The following EVI5 variants were observed in gnomAD, a reference collection of about 807,000 sequenced individuals.
EVI5 encodes ecotropic viral integration site 5 protein homolog.
Under a neutral mutation model 112.0 loss-of-function variants are expected in EVI5, and 73 were observed. The observed-to-expected ratio is 0.65, with a 90% CI of 0.54 to 0.79. The LOEUF is 0.79. Ranked by LOEUF, EVI5 falls within the 30% of genes least tolerant of loss-of-function variation. The probability of loss-of-function intolerance (pLI) is 0.00; values close to 1 mark genes in which losing one functional copy is unlikely to be tolerated. For synonymous variants in EVI5, 305 were observed against 319.9 expected, an observed-to-expected ratio of 0.95 and a Z score of 0.50; for missense variants, 900 against 968.8, an observed-to-expected ratio of 0.93 and a Z score of 0.94.
At chr1:92,618,585 A>G (rs1205273589) in intron 16 of EVI5, among the ~76,000 whole-genome samples, 2 of 152,288 alleles carry the variant, frequency 1.3e-5, no homozygotes, top group Middle Eastern at 3.4e-3. Context: ...ATGGGAAACT[A>G]CAACATCCCA....
intron 10 of EVI5, among the ~76,000 whole-genome samples, chr1:92,669,138 C>G (rs1665413411): frequency 6.6e-6 from 1 of 152,204 alleles, no homozygotes; most frequent in Non-Finnish European, 1.5e-5. Flanking sequence ...ATGATAAGCA[C>G]TGCCCACAAT....
At chr1:92,692,817 T>G (rs1669705742) in intron 9 of EVI5, among the ~76,000 whole-genome samples, 1 of 152,234 alleles carries the variant, frequency 6.6e-6, no homozygotes, top group East Asian at 1.9e-4. Context: ...GAAAAACTGC[T>G]AACTGCTAGC....
At chr1:92,727,517 G>C (rs937750667) in intron 2 of EVI5, among the ~76,000 whole-genome samples, 1 of 152,138 alleles carries the variant, frequency 6.6e-6, no homozygotes, top group Non-Finnish European at 1.5e-5. Context: ...ATCCCAGATA[G>C]ATGCCGGCTG....
At chr1:92,647,931 G>C (rs1194665001) in intron 13 of EVI5, among the ~76,000 whole-genome samples, 4 of 151,538 alleles carry the variant, frequency 2.6e-5, no homozygotes, top group Non-Finnish European at 5.9e-5. Flanking sequence ...CTTTAGTAGA[G>C]ATGGGGTTTC....
At chr1:92,773,650 A>G (rs1414665094) in intron 1 of EVI5, among the ~76,000 whole-genome samples, 1 of 152,116 alleles carries the variant, frequency 6.6e-6, no homozygotes, top group African/African-American at 2.4e-5. Context: ...TCTGAAAATA[A>G]AACAAAAAAA....
chr1:92,625,734 C>A (rs771569006), intron 15 of EVI5, 60 bp downstream of exon 15: 2 of 1,499,448 alleles, frequency 1.3e-6, no homozygotes, highest in African/African-American at 1.4e-5. Flanking sequence ...CAAACTCTTA[C>A]AAATTGGATA....
At chr1:92,648,319 G>A (rs1306799150) in intron 13 of EVI5, among the ~76,000 whole-genome samples, 1 of 150,130 alleles carries the variant, frequency 6.7e-6, no homozygotes, top group Non-Finnish European at 1.5e-5. Context: ...CTTGCAATGA[G>A]CAGAGATCAC....
At chr1:92,643,486 G>T (rs1022324856) in intron 13 of EVI5, among the ~76,000 whole-genome samples, 4 of 151,596 alleles carry the variant, frequency 2.6e-5, no homozygotes, top group Non-Finnish European at 5.9e-5. Flanking sequence ...CTGCTGTGTC[G>T]CTGGTCTTGA....
intron 19 of EVI5, among the ~76,000 whole-genome samples, chr1:92,547,733 A>G (rs1419764956): frequency 6.6e-6 from 1 of 152,236 alleles, no homozygotes; most frequent in Non-Finnish European, 1.5e-5. Context: ...ACACAAATAA[A>G]CTAGAAAATC....
chr1:92,555,848 C>CAA (rs148221183), intron 19 of EVI5, among the ~76,000 whole-genome samples: 2,137 of 94,064 alleles, frequency 0.023, 61 homozygotes, highest in African/African-American at 0.064. Context: ...AAACTCGTCT[C>CAA]AAAAAAAAAA....
intron 18 of EVI5, among the ~76,000 whole-genome samples, chr1:92,592,796 A>G (rs1674205955): frequency 6.6e-6 from 1 of 152,252 alleles, no homozygotes; most frequent in African/African-American, 2.4e-5. Flanking sequence ...AAACACCTCT[A>G]TGCAAATAAA....
chr1:92,617,737 T>C (rs1653550584), intron 16 of EVI5, among the ~76,000 whole-genome samples: 1 of 152,206 alleles, frequency 6.6e-6, no homozygotes, highest in South Asian at 2.1e-4. Flanking sequence ...GCTAGCTACC[T>C]GGTGGCAGGT....
At position 92,540,754 on chromosome 1, in the gene EVI5, G is replaced by A. The variant is rs137912636; in HGVS notation, c.2166+22888C>T. 4.4e-3 allele frequency among the ~76,000 whole-genome samples: 668 copies of A among 152,040 alleles called. 3 individuals are homozygous for A. The highest frequency in any genetic ancestry group is 6.9e-3 in the Admixed American group (105 of 15,272). On this transcript the variant is annotated intron_variant, in intron 19 of 19. Transcript: ENST00000684568. ...CATATCTAAGACAATGAATTTTTCC[G>A]TAAGTCTCATTTCCTTTTCCTATAA...
At chr1:92,533,047 C>A (rs1571353335) in intron 19 of EVI5, among the ~76,000 whole-genome samples, 1 of 142,548 alleles carries the variant, frequency 7.0e-6, no homozygotes, top group South Asian at 2.2e-4. Context: ...ACTAGCCAGA[C>A]TAATACAGAA....
At chr1:92,609,083 G>T (rs1651142735) in intron 16 of EVI5, among the ~76,000 whole-genome samples, 1 of 152,142 alleles carries the variant, frequency 6.6e-6, no homozygotes. Context: ...CTAACATGAG[G>T]TAGTTTTCAC....
At chr1:92,546,525 C>T (rs1331392269) in intron 19 of EVI5, among the ~76,000 whole-genome samples, 1 of 151,962 alleles carries the variant, frequency 6.6e-6, no homozygotes, top group African/African-American at 2.4e-5. Context: ...AGTGAAACCC[C>T]GTCTCTACTA....
chr1:92,735,134 T>C (rs1169153437), intron 2 of EVI5, among the ~76,000 whole-genome samples: 1 of 152,140 alleles, frequency 6.6e-6, no homozygotes, highest in African/African-American at 2.4e-5. Flanking sequence ...CATATATCCA[T>C]GCAAAGGCTT....
At chr1:92,775,056 T>G (rs552948856) in intron 1 of EVI5, among the ~76,000 whole-genome samples, 14 of 152,236 alleles carry the variant, frequency 9.2e-5, no homozygotes, top group Non-Finnish European at 2.1e-4. Context: ...ATATCTTGAA[T>G]TTTATATACA....
In EVI5 at chr1:92,588,641, C is replaced by T. The variant is rs557213996; in HGVS notation, c.2070+16666G>A. On this transcript the variant is annotated intron_variant, in intron 18 of 19. Coordinates refer to ENST00000684568, the MANE Select transcript of EVI5 (RefSeq NM_001350197.2). ...TTTTTTCATCTAACTTCTCATTCTA[C>T]CATAAAGCTCAATGAGGAAAGGGAT... is the stretch of plus-strand genomic sequence containing the variant. Among the ~76,000 whole-genome samples the T allele has an allele frequency of 3.6e-4, 55 of 152,284 alleles. 1 individual carries two copies. In the South Asian group the frequency reaches 8.9e-3, roughly 25 times the overall value.
Sources: allele counts gnomAD v4.1 joint callset (sites outside exome capture counted in the v4.1 genomes callset), GRCh38; gene constraint gnomAD v4.1.1; transcripts MANE v1.5; gene names NCBI Gene and HGNC (gene_info 2026-07-23, HGNC 2026-07-21).